The following PATJ variants were observed in gnomAD, a reference collection of about 807,000 sequenced individuals.
PATJ encodes PATJ crumbs cell polarity complex component.
PATJ carries 190 observed loss-of-function variants against 224.9 expected under a neutral mutation model. The ratio of observed to expected loss-of-function variants is 0.84; its 90% confidence interval spans 0.75 to 0.95. The LOEUF (loss-of-function observed/expected upper bound fraction) is 0.95. PATJ is among the 40% of genes least tolerant of loss of function. PATJ has a pLI of 0.00. For synonymous variants in PATJ, 769 were observed against 820.3 expected (o/e 0.94, Z 1.07); for missense variants, 2,121 against 2,270.3 (o/e 0.93, Z 1.34).
chr1:62,029,848 G>T (rs1201603626), intron 29 of PATJ, among the ~76,000 whole-genome samples: 2 of 152,142 alleles, frequency 1.3e-5, no homozygotes, highest in Non-Finnish European at 2.9e-5. Flanking sequence ...GCCATAAAAG[G>T]TCATACAGTT....
chr1:62,028,415 C>T (rs1188072885), intron 29 of PATJ, among the ~76,000 whole-genome samples: 3 of 152,136 alleles, frequency 2.0e-5, no homozygotes, highest in South Asian at 4.2e-4. Context: ...CCAGTTTTTC[C>T]AGCACCATTT....
chr1:61,936,308 C>T (rs1297545081), intron 27 of PATJ, among the ~76,000 whole-genome samples: 1 of 150,838 alleles, frequency 6.6e-6, no homozygotes, highest in Non-Finnish European at 1.5e-5. Context: ...CTATCCCAAA[C>T]CTCTCCCCTT....
Position 61,901,410 on chromosome 1 carries a change from G to A in PATJ, c.3332G>A (p.Ser1111Asn), listed in dbSNP as rs754728362. 6.3e-7 allele frequency: 1 copy of A among 1,585,716 alleles called. No homozygotes were observed. Among genetic ancestry groups the A allele is most frequent in the South Asian group, 1.2e-5 (1 of 85,358 alleles). Reference sequence around the variant, plus strand: ...TTCATCAAACAAGTTTTAGAAGACAGTCCAGCAGGGAAGACGAACGCACTT... The same window carrying A: ...TTCATCAAACAAGTTTTAGAAGACAATCCAGCAGGGAAGACGAACGCACTT... ...GIFIKQVLEDSPAGKTNALKT... is the reference protein window; with the variant it reads ...GIFIKQVLEDNPAGKTNALKT... Residue 1111 changes from serine to asparagine, a missense_variant, in exon 24 of 44, where the codon AGT (serine) becomes AAT (asparagine). Transcript: ENST00000642238.
chr1:62,025,650 G>A (rs1647722115), intron 29 of PATJ, among the ~76,000 whole-genome samples: 1 of 152,118 alleles, frequency 6.6e-6, no homozygotes, highest in Non-Finnish European at 1.5e-5. Context: ...GCAAAACCCT[G>A]TCCCTACTAA....
At chr1:61,804,285 T>A (rs965893693) in intron 12 of PATJ, among the ~76,000 whole-genome samples, 19 of 152,190 alleles carry the variant, frequency 1.2e-4, no homozygotes, top group Non-Finnish European at 2.9e-5. Flanking sequence ...TGGTTAGTTA[T>A]CACCTAAATG....
intron 30 of PATJ, among the ~76,000 whole-genome samples, chr1:62,044,376 G>A (rs1165460082): frequency 2.0e-5 from 3 of 152,084 alleles, no homozygotes; most frequent in Non-Finnish European, 2.9e-5. Flanking sequence ...CTTTGGTTTC[G>A]GAGCTGTTGA....
chr1:61,803,141 TTTA>T (rs1287878946), intron 12 of PATJ, among the ~76,000 whole-genome samples: 1 of 152,198 alleles, frequency 6.6e-6, no homozygotes, highest in East Asian at 1.9e-4. Context: ...TGTTCATTTT[TTTA>T]TTATTACAAT....
Position 62,114,256 on chromosome 1 carries a change from T to G in PATJ, c.4655+10T>G. 6.2e-7 allele frequency: 1 copy of G among 1,612,654 alleles called. No homozygotes were observed. The highest frequency in any genetic ancestry group is 1.7e-5 in the Admixed American group (1 of 59,642). On this transcript the variant is annotated intron_variant, in intron 35 of 43. Transcript: ENST00000642238. ...GCATCGTTGGGAAACGGTAAAGACG[T>G]GCTGTGGGAGTTGGGATCTGCCTTT...
At chr1:62,156,876 A>C (rs1393891953) in intron 43 of PATJ, among the ~76,000 whole-genome samples, 1 of 151,154 alleles carries the variant, frequency 6.6e-6, no homozygotes, top group Non-Finnish European at 1.5e-5. Flanking sequence ...TGATCACACC[A>C]CTGCACTCCA....
intron 1 of PATJ, among the ~76,000 whole-genome samples, chr1:61,749,701 G>A (rs1315392234): frequency 6.6e-6 from 1 of 151,240 alleles, no homozygotes; most frequent in African/African-American, 2.4e-5. Flanking sequence ...TTTGGAGACA[G>A]GGTCTCACTC....
rs545161930 is a variant in PATJ at position 62,097,309 on chromosome 1, A to T, written c.4378-11128A>T. ...AAACTGGCTATATGTGCTGTCTCAA[A>T]TTTTAAAAAAAGGAAAAAAAAAAGA... On this transcript the variant is annotated intron_variant, in intron 33 of 43. Coordinates refer to ENST00000642238, the MANE Select transcript of PATJ (RefSeq NM_001350145.3). Among the ~76,000 whole-genome samples, 8 of 152,186 alleles carry T rather than the reference A, an allele frequency of 5.3e-5. No homozygotes were observed. In the South Asian group the frequency reaches 1.7e-3, roughly 32 times the overall value.
chr1:62,072,122 A>G (rs946557053), intron 31 of PATJ, among the ~76,000 whole-genome samples: 1 of 152,070 alleles, frequency 6.6e-6, no homozygotes, highest in African/African-American at 2.4e-5. Flanking sequence ...ATTCTGGTCA[A>G]TTTATTGGTG....
intron 7 of PATJ, among the ~76,000 whole-genome samples, chr1:61,783,990 C>A (rs1349759633): frequency 1.3e-5 from 2 of 151,820 alleles, no homozygotes; most frequent in African/African-American, 4.8e-5. Context: ...CCCTCTCAAA[C>A]AAAAACAAAA....
chr1:61,930,465 C>T (rs985976399), intron 27 of PATJ, among the ~76,000 whole-genome samples: 2 of 152,194 alleles, frequency 1.3e-5, no homozygotes, highest in African/African-American at 4.8e-5. Context: ...AGTATGGCTA[C>T]ATAACTTTCC....
intron 42 of PATJ, among the ~76,000 whole-genome samples, chr1:62,148,668 C>T (rs72677979): frequency 0.085 from 12,869 of 152,140 alleles, 622 homozygotes; most frequent in South Asian, 0.14. Context: ...CCCAGGTGCA[C>T]GCTGCTTTAT....
At chr1:62,115,649 A>G (rs893332617) in intron 35 of PATJ, among the ~76,000 whole-genome samples, 2 of 148,430 alleles carry the variant, frequency 1.3e-5, no homozygotes, top group Non-Finnish European at 3.0e-5. Flanking sequence ...CAACAGGGCT[A>G]TAGGATTTCC....
chr1:62,036,871 C>CAAGAAAAAA (rs140632577), intron 29 of PATJ, among the ~76,000 whole-genome samples: 1 of 67,342 alleles, frequency 1.5e-5, no homozygotes, highest in Non-Finnish European at 2.7e-5. Flanking sequence ...GACTCCATCT[C>CAAGAAAAAA]AAAAAAAAAA....
chr1:62,088,556 C>G (rs911427960), intron 33 of PATJ, among the ~76,000 whole-genome samples: 1 of 152,140 alleles, frequency 6.6e-6, no homozygotes, highest in Non-Finnish European at 1.5e-5. Context: ...CTACCATTTA[C>G]TAGCTGGGGC....
At chr1:61,767,359 C>T (rs1037373314) in intron 4 of PATJ, among the ~76,000 whole-genome samples, 5 of 151,766 alleles carry the variant, frequency 3.3e-5, no homozygotes, top group African/African-American at 1.2e-4. Flanking sequence ...TGTAGGGAGA[C>T]CCCCATCTCT....
Sources: gnomAD v4.1 joint callset for allele counts (sites outside exome capture counted in the v4.1 genomes callset) on GRCh38, gnomAD v4.1.1 for gene constraint, MANE v1.5 for transcripts, NCBI Gene and HGNC (gene_info 2026-07-23, HGNC 2026-07-21) for gene names.